Variants in ARL6IP5 observed in about 807,000 individuals in gnomAD.
The protein encoded by ARL6IP5 is ARF like GTPase 6 interacting protein 5, also known as PRA1 family protein 3.
In ARL6IP5, 6 loss-of-function variants were observed where a neutral mutation model predicts 13.0. The ratio of observed to expected loss-of-function variants is 0.46; its 90% CI spans 0.25 to 0.91. The LOEUF is 0.91. Among genes scored for constraint, ARL6IP5 ranks in the 40% least tolerant of loss-of-function variants. The probability of loss-of-function intolerance (pLI) is 0.17; values close to 1 mark genes in which losing one functional copy is unlikely to be tolerated. For missense variants in ARL6IP5, 208 were observed against 248.8 expected (o/e 0.84, Z 1.10); for synonymous variants, 91 against 91.9 (o/e 0.99, Z 0.06).
intron 1 of ARL6IP5, among the ~76,000 whole-genome samples, chr3:69,086,565 A>C (rs543999433): frequency 1.3e-5 from 2 of 152,300 alleles, no homozygotes; most frequent in South Asian, 4.1e-4. Context: ...TGGTGTATAG[A>C]GGGCACAGGC....
chr3:69,088,885 C>T (rs1056439271), intron 1 of ARL6IP5, among the ~76,000 whole-genome samples: 4 of 152,226 alleles, frequency 2.6e-5, no homozygotes, highest in African/African-American at 9.7e-5. Flanking sequence ...CACCTAATGA[C>T]ACTTGCAATT....
chr3:69,103,696 A>C (rs1414913758), intron 2 of ARL6IP5, among the ~76,000 whole-genome samples: 1 of 152,202 alleles, frequency 6.6e-6, no homozygotes, highest in Non-Finnish European at 1.5e-5. Flanking sequence ...CAGTTGTAAC[A>C]GTCTGAATTT....
chr3:69,086,636 G>T (rs1294863760), intron 1 of ARL6IP5, among the ~76,000 whole-genome samples: 1 of 152,206 alleles, frequency 6.6e-6, no homozygotes, highest in Non-Finnish European at 1.5e-5. Flanking sequence ...GCAGGGTGGG[G>T]CAGGCCCAAG....
intron 2 of ARL6IP5, 65 bp downstream of exon 2, chr3:69,102,121 T>C: frequency 3.9e-6 from 6 of 1,533,568 alleles, no homozygotes; most frequent in Non-Finnish European, 4.5e-6. Context: ...CCAACGGGAA[T>C]TCCATAACCC....
chr3:69,094,788 C>T (rs2092281836), intron 1 of ARL6IP5, among the ~76,000 whole-genome samples: 1 of 152,110 alleles, frequency 6.6e-6, no homozygotes, highest in South Asian at 2.1e-4. Flanking sequence ...CAATTGGTGG[C>T]CTTGGACAAA....
intron 1 of ARL6IP5, among the ~76,000 whole-genome samples, chr3:69,099,433 T>G (rs1471513809): frequency 6.6e-6 from 1 of 152,220 alleles, no homozygotes; most frequent in Non-Finnish European, 1.5e-5. Flanking sequence ...TTGTGCATCT[T>G]AATAGAAATT....
intron 1 of ARL6IP5, chr3:69,089,806 C>T (rs1373801101): frequency 2.2e-6 from 1 of 456,690 alleles, no homozygotes; most frequent in Non-Finnish European, 4.4e-6. Flanking sequence ...GTGCCTCCCC[C>T]TTTAGATAGA....
chr3:69,085,010 C>T lies in ARL6IP5; in HGVS notation c.-38C>T. The T allele has an allele frequency of 6.2e-7, 1 of 1,600,480 alleles. No homozygotes were observed. The highest frequency in any genetic ancestry group is 8.5e-7 in the Non-Finnish European group (1 of 1,173,128). On this transcript the variant is annotated 5_prime_UTR_variant, in exon 1 of 3. Transcript: ENST00000273258. ...GCTGATCGGTTGCCGCCGCCGCCGC[C>T]GCCAGATTCTGGAGGCGAAGAACGC...
rs2092242782 is a variant in ARL6IP5 at position 69,084,968 on chromosome 3, C to T, written c.-80C>T. The T allele has an allele frequency of 6.5e-7, 1 of 1,540,162 alleles. No homozygotes were observed. The highest frequency in any genetic ancestry group is 2.3e-5 in the East Asian group (1 of 44,254). On this transcript the variant is annotated 5_prime_UTR_variant, in exon 1 of 3. Transcript: ENST00000273258. ...CCGACCGAGACGGAGCCGCTGTCAA[C>T]TCTCCAACTCAGCTCAGCTGATCGG...
At chr3:69,089,922 T>C (rs944140648) in intron 1 of ARL6IP5, 1 of 451,214 alleles carries the variant, frequency 2.2e-6, no homozygotes, top group African/African-American at 2.0e-5. Flanking sequence ...GAGGGTGGAA[T>C]TGACAGCTGC....
intron 1 of ARL6IP5, among the ~76,000 whole-genome samples, chr3:69,088,511 G>A (rs1446168946): frequency 2.6e-5 from 4 of 152,176 alleles, no homozygotes; most frequent in Non-Finnish European, 4.4e-5. Context: ...CAAGATTTCA[G>A]GAAGGGTGAG....
chr3:69,093,330 AGTTG>A (rs2107512029), intron 1 of ARL6IP5, among the ~76,000 whole-genome samples: 1 of 152,326 alleles, frequency 6.6e-6, no homozygotes, highest in South Asian at 2.1e-4. Flanking sequence ...TTCCTAATTC[AGTTG>A]GTTAGGAAAA....
At chr3:69,091,054 C>T (rs2092263891) in intron 1 of ARL6IP5, among the ~76,000 whole-genome samples, 1 of 152,032 alleles carries the variant, frequency 6.6e-6, no homozygotes, top group African/African-American at 2.4e-5. Context: ...AAAAATTAGC[C>T]TGGCGTGGTG....
intron 1 of ARL6IP5, among the ~76,000 whole-genome samples, chr3:69,100,970 T>C (rs1284939525): frequency 6.6e-6 from 1 of 152,020 alleles, no homozygotes; most frequent in African/African-American, 2.4e-5. Flanking sequence ...ATTTTCTTGT[T>C]CCAGGAGAAC....
rs144089377 is a variant in ARL6IP5 at position 69,087,996 on chromosome 3, G to T, written c.176+2773G>T. On this transcript the variant is annotated intron_variant, in intron 1 of 2. Coordinates refer to ENST00000273258, the MANE Select transcript of ARL6IP5 (RefSeq NM_006407.4). ...ATTTATTGAGTGCTCTGTGTGTCAG[G>T]TACCTTGCAAAGTATTTTACCTGCA... Among the ~76,000 whole-genome samples the T allele has an allele frequency of 5.3e-3, 811 of 152,048 alleles. 5 individuals carry two copies. Among genetic ancestry groups the T allele is most frequent in the African/African-American group, 0.019 (783 of 41,484 alleles).
intron 1 of ARL6IP5, among the ~76,000 whole-genome samples, chr3:69,095,692 G>A (rs780069254): frequency 5.3e-5 from 8 of 151,856 alleles, no homozygotes; most frequent in South Asian, 2.1e-4. Flanking sequence ...ATGGGGTTTC[G>A]CCATGTTGGC....
intron 1 of ARL6IP5, among the ~76,000 whole-genome samples, chr3:69,089,590 A>C (rs1391811965): frequency 6.6e-6 from 1 of 151,062 alleles, no homozygotes; most frequent in East Asian, 1.9e-4. Context: ...GGATTGCTCA[A>C]GGCCAGGAGT....
At chr3:69,094,127 T>C (rs752125750) in intron 1 of ARL6IP5, among the ~76,000 whole-genome samples, 4 of 152,132 alleles carry the variant, frequency 2.6e-5, no homozygotes, top group Admixed American at 6.5e-5. Context: ...CTGGGGTAGA[T>C]AGAAACCCTG....
At chr3:69,098,109 C>T (rs1316139432) in intron 1 of ARL6IP5, among the ~76,000 whole-genome samples, 2 of 151,648 alleles carry the variant, frequency 1.3e-5, no homozygotes, top group African/African-American at 4.8e-5. Context: ...CAGAGTCTCA[C>T]TCTGTCACCC....
Sources: gnomAD v4.1 joint callset for allele counts (sites outside exome capture counted in the v4.1 genomes callset) on GRCh38, gnomAD v4.1.1 for gene constraint, MANE v1.5 for transcripts, NCBI Gene and HGNC (gene_info 2026-07-23, HGNC 2026-07-21) for gene names.